The following ICA1 variants were observed in gnomAD, a reference collection of about 807,000 sequenced individuals.
ICA1 encodes the protein islet cell autoantigen 1, also known as 69 kDa islet cell autoantigen.
A neutral mutation model predicts 71.0 loss-of-function variants in ICA1; 40 were observed. That is an observed-to-expected ratio of 0.56 (90% CI 0.44 to 0.73). The LOEUF (loss-of-function observed/expected upper bound fraction) is 0.73. ICA1 is among the 30% of genes least tolerant of loss of function. The probability of loss-of-function intolerance (pLI) is 0.00; values close to 1 mark genes in which losing one functional copy is unlikely to be tolerated. For missense variants in ICA1, 578 were observed against 576.5 expected, an observed-to-expected ratio of 1.00 and a Z score of -0.03; for synonymous variants, 207 against 209.5, an observed-to-expected ratio of 0.99 and a Z score of 0.10.
At chr7:8,218,525 C>G (rs755443646) in intron 5 of ICA1, 22 bp from the exon 6 acceptor site, 7 of 1,608,972 alleles carry the variant, frequency 4.4e-6, no homozygotes, top group Non-Finnish European at 6.0e-6. Context: ...GACAAAGCCA[C>G]ACTCTCAAAA....
chr7:8,146,089 AT>A (rs1226606507), intron 8 of ICA1, among the ~76,000 whole-genome samples: 2 of 152,142 alleles, frequency 1.3e-5, no homozygotes, highest in East Asian at 3.9e-4. Context: ...CAGTTAACAA[AT>A]AGTTTTTGAG....
intron 6 of ICA1, among the ~76,000 whole-genome samples, chr7:8,165,178 TC>T (rs1322260300): frequency 6.6e-6 from 1 of 152,236 alleles, no homozygotes; most frequent in East Asian, 1.9e-4. Context: ...AACCAAGACC[TC>T]TCGAGGGCCA....
At chr7:8,147,507 T>C (rs1797435821) in intron 8 of ICA1, among the ~76,000 whole-genome samples, 1 of 152,136 alleles carries the variant, frequency 6.6e-6, no homozygotes, top group Non-Finnish European at 1.5e-5. Flanking sequence ...AGGTGCTAAA[T>C]ATGTACTTGT....
intron 8 of ICA1, among the ~76,000 whole-genome samples, chr7:8,154,725 A>T (rs554838159): frequency 6.6e-4 from 100 of 152,328 alleles, no homozygotes; most frequent in African/African-American, 2.4e-3. Flanking sequence ...CAAATCTTAT[A>T]AACACAGGAC....
chr7:8,177,427 T>C (rs909083895), intron 6 of ICA1, among the ~76,000 whole-genome samples: 4 of 152,192 alleles, frequency 2.6e-5, no homozygotes, highest in African/African-American at 9.7e-5. Flanking sequence ...AGTGGAAGCA[T>C]TAGGTCACAA....
intron 13 of ICA1, among the ~76,000 whole-genome samples, chr7:8,124,022 C>A (rs1397221363): frequency 1.3e-5 from 2 of 151,844 alleles, no homozygotes; most frequent in African/African-American, 2.4e-5. Flanking sequence ...GAAAAGCACA[C>A]AGGACAGTTC....
chr7:8,164,612 T>TC (rs1805206872), intron 6 of ICA1, among the ~76,000 whole-genome samples: 1 of 152,148 alleles, frequency 6.6e-6, no homozygotes, highest in Admixed American at 6.5e-5. Flanking sequence ...CCCAATCAGC[T>TC]CTAATACTCC....
At chr7:8,134,800 C>T (rs1466133172) in intron 12 of ICA1, among the ~76,000 whole-genome samples, 1 of 151,810 alleles carries the variant, frequency 6.6e-6, no homozygotes, top group Admixed American at 6.6e-5. Flanking sequence ...ATAATAAGAA[C>T]AGAGAGAGGA....
chr7:8,153,253 G>A (rs973337189), intron 8 of ICA1, among the ~76,000 whole-genome samples: 1 of 152,176 alleles, frequency 6.6e-6, no homozygotes, highest in Admixed American at 6.5e-5. Context: ...ACTGGGAAGA[G>A]ACATCTCACA....
At chr7:8,154,433 T>C (rs1298366438) in intron 8 of ICA1, among the ~76,000 whole-genome samples, 1 of 152,062 alleles carries the variant, frequency 6.6e-6, no homozygotes, top group Non-Finnish European at 1.5e-5. Flanking sequence ...AGTCAGGAAA[T>C]ACAGCTGCAA....
chr7:8,152,738 CACA>C (rs1442363506), intron 8 of ICA1, among the ~76,000 whole-genome samples: 37 of 129,322 alleles, frequency 2.9e-4, no homozygotes, highest in South Asian at 1.4e-3. Context: ...CCACCACCAC[CACA>C]ACCACCATCT....
Position 8,223,685 on chromosome 7 carries a change from T to G in ICA1, c.257-2287A>C, listed in dbSNP as rs11972655. 10,981 of 152,492 alleles carry G rather than the reference T, an allele frequency of 0.072. 1,289 individuals carry two copies. Among genetic ancestry groups the G allele is most frequent in the African/African-American group, 0.25 (10,271 of 41,480 alleles). 9.4% of individuals were successfully genotyped at this position (152,492 alleles called of 1,614,324 possible). ...TTCACACCTGCAGTCCCAGCACTTT[T>G]GGGAGGTAGAGGCAGGAGGATTGCT... On this transcript the variant is annotated intron_variant, in intron 4 of 13. Coordinates refer to ENST00000402384, the MANE Select transcript of ICA1 (RefSeq NM_001136020.3). This position sits in a 1 kb window ranked among gnomAD's most constrained non-coding sequence, Gnocchi z 4.1.
rs777725792 is a variant in ICA1 at position 8,127,894 on chromosome 7, C to T, written c.1309G>A (p.Asp437Asn). The part of the protein sequence containing the change: ...PSQLLDQNMK[D>N]LQASLQEPAK... ...CTACCTTGTAGCGAGGCCTGTAAGT[C>T]TTTCATATTTTGGTCTAAAAGCTGC... The change falls in exon 13 of 14, where the codon GAC becomes AAC. Residue 437 changes from aspartate (D) to asparagine (N), a missense_variant. Transcript: ENST00000402384. 4 of 1,614,040 alleles carry T rather than the reference C, an allele frequency of 2.5e-6. No homozygotes were observed. The East Asian group carries it at 8.9e-5, about 36-fold the overall frequency.
chr7:8,189,793 G>C (rs1034090060), intron 6 of ICA1, among the ~76,000 whole-genome samples: 2 of 152,078 alleles, frequency 1.3e-5, no homozygotes, highest in Non-Finnish European at 2.9e-5. Context: ...AGGGGGGCTG[G>C]GCAGGGGGCC....
intron 6 of ICA1, among the ~76,000 whole-genome samples, chr7:8,170,487 G>A (rs1057456303): frequency 6.6e-6 from 1 of 151,794 alleles, no homozygotes; most frequent in African/African-American, 2.4e-5. Context: ...CCATTTATTG[G>A]ATTTTTAAAT....
chr7:8,241,872 TA>T (rs1359341653), intron 1 of ICA1, among the ~76,000 whole-genome samples: 4 of 152,220 alleles, frequency 2.6e-5, no homozygotes, highest in African/African-American at 9.6e-5. Flanking sequence ...TTAACTATCC[TA>T]AATATATATG....
intron 2 of ICA1, 38 bp from the exon 3 acceptor site, chr7:8,232,793 C>A (rs1287676920): frequency 1.4e-5 from 20 of 1,481,160 alleles, no homozygotes; most frequent in Admixed American, 4.4e-5. Context: ...TCACACCTTT[C>A]ATAAAGATTA....
rs1219976977 is a variant in ICA1, at chr7:8,123,569, C to T, written c.1330+4304G>A. 1.3e-5 allele frequency among the ~76,000 whole-genome samples: 2 copies of T among 152,314 alleles called. No individual in the cohort carries two copies. Among genetic ancestry groups the T allele is most frequent in the South Asian group, 2.1e-4 (1 of 4,828 alleles). ...GAATGTAGCTGCTGGCACACAGGAA[C>T]AAGATTTCCTAGGACAATCTCAATT... On this transcript the variant is annotated intron_variant, in intron 13 of 13. Transcript: ENST00000402384. The surrounding 1 kb of genome is among the most constrained non-coding windows in gnomAD (Gnocchi z 4.1).
At chr7:8,147,562 A>C (rs953963790) in intron 8 of ICA1, among the ~76,000 whole-genome samples, 1 of 152,024 alleles carries the variant, frequency 6.6e-6, no homozygotes, top group Non-Finnish European at 1.5e-5. Flanking sequence ...AAAAAACTAG[A>C]GCTCCTTAGC....
Sources: allele counts gnomAD v4.1 joint callset (sites outside exome capture counted in the v4.1 genomes callset), GRCh38; gene constraint gnomAD v4.1.1; non-coding constraint Gnocchi (gnomAD v3.1); transcripts MANE v1.5; gene names NCBI Gene and HGNC (gene_info 2026-07-23, HGNC 2026-07-21).